Variants in TMPRSS11A observed in about 807,000 individuals in gnomAD.
The protein encoded by TMPRSS11A is transmembrane serine protease 11A.
In TMPRSS11A, 53 loss-of-function variants were observed where a neutral mutation model predicts 58.9. That is an observed-to-expected ratio of 0.90 (90% CI 0.72 to 1.13). The LOEUF is 1.13. Ranked by LOEUF, TMPRSS11A falls within the 50% of genes most tolerant of loss-of-function variation. TMPRSS11A has a pLI of 0.00. For synonymous variants in TMPRSS11A, 167 were observed against 169.8 expected, an observed-to-expected ratio of 0.98 and a Z score of 0.13; for missense variants, 493 against 499.3, an observed-to-expected ratio of 0.99 and a Z score of 0.12.
intron 1 of TMPRSS11A, among the ~76,000 whole-genome samples, chr4:67,947,072 G>T (rs1201745261): frequency 1.3e-5 from 2 of 151,806 alleles, no homozygotes; most frequent in Admixed American, 6.6e-5. Flanking sequence ...TATATCAATT[G>T]TTGAAAATTT....
chr4:67,949,583 G>C (rs1021193023), intron 1 of TMPRSS11A, among the ~76,000 whole-genome samples: 1 of 152,218 alleles, frequency 6.6e-6, no homozygotes. Flanking sequence ...TCACCACCGG[G>C]CATGGTGGCT....
At chr4:67,930,829 T>TTTTTTC (rs1265700805) in intron 4 of TMPRSS11A, among the ~76,000 whole-genome samples, 13 of 90,156 alleles carry the variant, frequency 1.4e-4, no homozygotes, top group East Asian at 5.0e-4. Flanking sequence ...TTTTTTTTTT[T>TTTTTTC]ACAAAAAAAA....
intron 7 of TMPRSS11A, among the ~76,000 whole-genome samples, chr4:67,920,558 T>A (rs992510610): frequency 6.9e-6 from 1 of 145,924 alleles, no homozygotes; most frequent in Non-Finnish European, 1.5e-5. Flanking sequence ...TATTTTTTTT[T>A]ATATATACAC....
At chr4:67,928,501 G>T (rs1337632853) in intron 5 of TMPRSS11A, among the ~76,000 whole-genome samples, 1 of 152,224 alleles carries the variant, frequency 6.6e-6, no homozygotes, top group African/African-American at 2.4e-5. Flanking sequence ...GTTTCAGATA[G>T]TTCAGGCTTT....
chr4:67,939,352 G>A (rs141414512), intron 3 of TMPRSS11A, among the ~76,000 whole-genome samples: 1 of 152,276 alleles, frequency 6.6e-6, no homozygotes, highest in African/African-American at 2.4e-5. Context: ...TAATCATATT[G>A]TCAGTAAAGA....
At chr4:67,927,978 A>G (rs1720516648) in intron 5 of TMPRSS11A, among the ~76,000 whole-genome samples, 1 of 152,234 alleles carries the variant, frequency 6.6e-6, no homozygotes, top group South Asian at 2.1e-4. Context: ...AGACAAAGGC[A>G]TGAGCCAATT....
At chr4:67,919,496 C>T (rs1720261065) in intron 7 of TMPRSS11A, among the ~76,000 whole-genome samples, 1 of 152,072 alleles carries the variant, frequency 6.6e-6, no homozygotes, top group South Asian at 2.1e-4. Flanking sequence ...TCATTTATCC[C>T]TTCCACAAAT....
chr4:67,920,066 T>G (rs1234997533), intron 7 of TMPRSS11A, among the ~76,000 whole-genome samples: 1 of 152,146 alleles, frequency 6.6e-6, no homozygotes, highest in Admixed American at 6.6e-5. Flanking sequence ...TGTGGTAAAG[T>G]CTATTAGATG....
intron 1 of TMPRSS11A, among the ~76,000 whole-genome samples, chr4:67,946,954 CATTT>C (rs1259895614): frequency 6.6e-6 from 1 of 152,008 alleles, no homozygotes; most frequent in Non-Finnish European, 1.5e-5. Flanking sequence ...TCTATTATCT[CATTT>C]ATTTTTATCT....
chr4:67,947,263 T>C (rs1333232594), intron 1 of TMPRSS11A, among the ~76,000 whole-genome samples: 4 of 152,226 alleles, frequency 2.6e-5, no homozygotes, highest in African/African-American at 7.2e-5. Flanking sequence ...CCAGTCCATC[T>C]TCAAGTTCCC....
chr4:67,910,986 A>G lies in TMPRSS11A; in HGVS notation c.*356T>C, dbSNP rs2109728754. On this transcript the variant is annotated 3_prime_UTR_variant, in exon 10 of 10. Coordinates refer to ENST00000508048, the MANE Select transcript of TMPRSS11A (RefSeq NM_001114387.2). ...GGTTTCTTGAACACTTTGTGAGTTC[A>G]AAAAGTTTCTCAGTTAAAAGGAGAC... 1 of 166,104 alleles carries G rather than the reference A, an allele frequency of 6.0e-6. No homozygotes were observed. Among genetic ancestry groups the G allele is most frequent in the East Asian group, 1.7e-4 (1 of 5,910 alleles). The allele number at this position is 166,104 out of a possible 1,614,324, so 10.3% of individuals were successfully genotyped here. A position where few individuals can be genotyped will look rare whatever the true frequency, so the allele number is the denominator to read the frequency against.
At chr4:67,955,356 G>C (rs1208749960) in intron 1 of TMPRSS11A, among the ~76,000 whole-genome samples, 2 of 152,210 alleles carry the variant, frequency 1.3e-5, no homozygotes, top group Non-Finnish European at 1.5e-5. Context: ...GTGTGTTTAT[G>C]TTTGCACGTG....
At chr4:67,961,357 C>A (rs1415700562) in intron 1 of TMPRSS11A, among the ~76,000 whole-genome samples, 4 of 152,116 alleles carry the variant, frequency 2.6e-5, no homozygotes, top group African/African-American at 9.7e-5. Flanking sequence ...ACATCTCCTG[C>A]AAATCTTCCA....
At chr4:67,960,380 A>G (rs1721395034) in intron 1 of TMPRSS11A, among the ~76,000 whole-genome samples, 1 of 152,092 alleles carries the variant, frequency 6.6e-6, no homozygotes, top group Admixed American at 6.6e-5. Flanking sequence ...TATTCGTTAA[A>G]CTCAGGCTCT....
chr4:67,914,535 G>T, intron 9 of TMPRSS11A, 53 bp downstream of exon 9: 1 of 1,538,198 alleles, frequency 6.5e-7, no homozygotes, highest in Non-Finnish European at 9.0e-7. Context: ...AATATATTCT[G>T]AGCCAGATAC....
At chr4:67,924,671 A>T (rs892517257) in intron 5 of TMPRSS11A, among the ~76,000 whole-genome samples, 1 of 152,212 alleles carries the variant, frequency 6.6e-6, no homozygotes, top group Non-Finnish European at 1.5e-5. Context: ...CATGTCTTAC[A>T]TGGTGGCAAG....
chr4:67,936,541 G>A (rs1720759890), intron 3 of TMPRSS11A, among the ~76,000 whole-genome samples: 1 of 152,070 alleles, frequency 6.6e-6, no homozygotes, highest in Non-Finnish European at 1.5e-5. Flanking sequence ...GGTGTGGAGG[G>A]TGCCATGAAA....
intron 1 of TMPRSS11A, among the ~76,000 whole-genome samples, chr4:67,947,738 A>G (rs1428886838): frequency 6.6e-6 from 1 of 152,218 alleles, no homozygotes; most frequent in Non-Finnish European, 1.5e-5. Context: ...CTCACATTGA[A>G]TCAAGTATTA....
At position 67,922,870 on chromosome 4, in the gene TMPRSS11A, C is replaced by A; in HGVS notation, c.577G>T (p.Ala193Ser). 6.2e-7 allele frequency: 1 copy of A among 1,614,138 alleles called. No individual in the cohort carries two copies. The highest frequency in any genetic ancestry group is 8.5e-7 in the Non-Finnish European group (1 of 1,180,008). ...TGCCAAGGCCAGGCCGCCTTGGGTGCAATGACTCCAGATGCTATTCTGTTG... is the reference window on the plus strand; with the variant it reads ...TGCCAAGGCCAGGCCGCCTTGGGTGAAATGACTCCAGATGCTATTCTGTTG... ...NVNRIASGVI[A>S]PKAAWPWQAS... Residue 193 changes from alanine (A) to serine (S), a missense_variant, in exon 7 of 10, where the codon GCA (alanine) becomes TCA (serine). Physicochemically the swap from Ala to Ser is moderately conservative, Grantham distance 99. Coordinates refer to ENST00000508048, the MANE Select transcript of TMPRSS11A (RefSeq NM_001114387.2).
Sources: allele counts gnomAD v4.1 joint callset (sites outside exome capture counted in the v4.1 genomes callset), GRCh38; gene constraint gnomAD v4.1.1; transcripts MANE v1.5; gene names NCBI Gene and HGNC (gene_info 2026-07-23, HGNC 2026-07-21).